The following AKAP13 variants were observed in gnomAD, a reference collection of about 807,000 sequenced individuals.
AKAP13 encodes A-kinase anchor protein 13.
AKAP13 carries 80 observed loss-of-function variants against 264.5 expected under a neutral mutation model. The observed-to-expected ratio is 0.30, with a 90% CI of 0.25 to 0.36. The LOEUF is 0.36. AKAP13 is among the 10% of genes least tolerant of loss of function. The probability of loss-of-function intolerance (pLI) is 1.00; values close to 1 mark genes in which losing one functional copy is unlikely to be tolerated. For synonymous variants in AKAP13, 1,380 were observed against 1,250.2 expected (o/e 1.10, Z -2.19); for missense variants, 3,712 against 3,435.2 (o/e 1.08, Z -2.01).
chr15:85,485,985 A>C (rs2075528967), intron 2 of AKAP13, among the ~76,000 whole-genome samples: 1 of 152,260 alleles, frequency 6.6e-6, no homozygotes, highest in Non-Finnish European at 1.5e-5. Flanking sequence ...GAGTTAATTT[A>C]GTCAGGGTAA....
At chr15:85,520,598 G>A (rs2151152439) in intron 2 of AKAP13, 1 of 505,218 alleles carries the variant, frequency 2.0e-6, no homozygotes, top group African/African-American at 2.0e-5. Context: ...CAAGATTTTT[G>A]TCTGATTTTA....
In AKAP13 at chr15:85,653,390, T is replaced by C. The variant is rs540428769; in HGVS notation, c.4375-2027T>C. Among the ~76,000 whole-genome samples, 3 of 152,340 alleles carry C rather than the reference T, an allele frequency of 2.0e-5. No homozygotes were observed. The South Asian group carries it at 6.2e-4, about 32-fold the overall frequency. ...TCCGTTGGAAAATCTGGACCTCAGTTTGACCTGTCCAGTGATCCCCTTGCA... is the reference window on the plus strand; with the variant it reads ...TCCGTTGGAAAATCTGGACCTCAGTCTGACCTGTCCAGTGATCCCCTTGCA... On this transcript the variant is annotated intron_variant, in intron 10 of 36. Transcript: ENST00000394518.
intron 34 of AKAP13, chr15:85,740,572 A>G: frequency 4.9e-6 from 2 of 405,686 alleles, no homozygotes; most frequent in Non-Finnish European, 8.9e-6. Context: ...GTATGATTAT[A>G]AGTTTCTATA....
chr15:85,556,432 C>T (rs944896815), intron 5 of AKAP13, among the ~76,000 whole-genome samples: 1 of 152,180 alleles, frequency 6.6e-6, no homozygotes, highest in African/African-American at 2.4e-5. Context: ...ACTGGACCAT[C>T]ATTCCATATA....
At chr15:85,641,119 TC>T (rs1169168909) in intron 9 of AKAP13, among the ~76,000 whole-genome samples, 1 of 152,102 alleles carries the variant, frequency 6.6e-6, no homozygotes, top group Admixed American at 6.5e-5. Context: ...TATACACACT[TC>T]CTCAAGAGAG....
chr15:85,565,364 G>A (rs2078569546), intron 5 of AKAP13, among the ~76,000 whole-genome samples: 1 of 152,138 alleles, frequency 6.6e-6, no homozygotes, highest in South Asian at 2.1e-4. Flanking sequence ...GTCAGCTGAG[G>A]CTATGGTGCC....
chr15:85,427,278 A>G (rs917857534), intron 1 of AKAP13, among the ~76,000 whole-genome samples: 1 of 152,008 alleles, frequency 6.6e-6, no homozygotes, highest in Non-Finnish European at 1.5e-5. Context: ...CTGGTTTATA[A>G]GAATTGAAAC....
intron 17 of AKAP13, chr15:85,701,174 G>T (rs1386318931): frequency 6.6e-6 from 1 of 152,156 alleles, no homozygotes; most frequent in African/African-American, 2.4e-5. Context: ...TTTATAAGTG[G>T]AATGGGACTT....
At chr15:85,388,630 T>G (rs1023429175) in intron 1 of AKAP13, among the ~76,000 whole-genome samples, 8 of 152,250 alleles carry the variant, frequency 5.3e-5, no homozygotes, top group African/African-American at 1.9e-4. Context: ...CATATGTTTT[T>G]TCTTCTTTAG....
intron 2 of AKAP13, among the ~76,000 whole-genome samples, chr15:85,498,852 A>C (rs1456818769): frequency 6.6e-6 from 1 of 152,194 alleles, no homozygotes; most frequent in African/African-American, 2.4e-5. Flanking sequence ...TTTACGCCCC[A>C]TCTCAGACCT....
intron 1 of AKAP13, among the ~76,000 whole-genome samples, chr15:85,461,928 A>C (rs1024371481): frequency 2.0e-5 from 3 of 152,348 alleles, no homozygotes; most frequent in South Asian, 2.1e-4. Flanking sequence ...TTATTAAATG[A>C]AATAAAATTA....
intron 1 of AKAP13, among the ~76,000 whole-genome samples, chr15:85,386,574 C>T (rs1388299686): frequency 2.0e-5 from 3 of 152,182 alleles, no homozygotes; most frequent in Non-Finnish European, 2.9e-5. Flanking sequence ...CAGGCGTGAG[C>T]TATTGTGCCC....
chr15:85,559,654 CGCAG>C (rs2078287713), intron 5 of AKAP13, among the ~76,000 whole-genome samples: 1 of 152,032 alleles, frequency 6.6e-6, no homozygotes, highest in African/African-American at 2.4e-5. Flanking sequence ...CCCTCACATA[CGCAG>C]TTCACGATAG....
At chr15:85,454,894 T>C (rs909396453) in intron 1 of AKAP13, among the ~76,000 whole-genome samples, 24 of 152,230 alleles carry the variant, frequency 1.6e-4, no homozygotes, top group Admixed American at 1.6e-3. Flanking sequence ...TTGATCCAGA[T>C]TATCTCCTTT....
rs767941171 is a variant in AKAP13 at position 85,736,157 on chromosome 15, A to C, written c.7557+23A>C. The C allele has an allele frequency of 3.2e-6, 5 of 1,564,380 alleles. No individual in the cohort carries two copies. In the East Asian group the frequency reaches 1.1e-4, roughly 35 times the overall value. On this transcript the variant is annotated intron_variant, in intron 33 of 36. Transcript: ENST00000394518. ...GAGGTAAGGACATTATGAACTATTT[A>C]AGAAAATATGTGTTTGTTGTCATTG... is the stretch of plus-strand genomic sequence containing the variant.
chr15:85,575,687 G>A (rs796518338), intron 6 of AKAP13, among the ~76,000 whole-genome samples: 9 of 151,460 alleles, frequency 5.9e-5, no homozygotes, highest in African/African-American at 1.5e-4. Context: ...GCGAGACTCC[G>A]TCTCAAAAAA....
intron 2 of AKAP13, among the ~76,000 whole-genome samples, chr15:85,518,104 A>T (rs2076675005): frequency 1.3e-5 from 2 of 152,188 alleles, no homozygotes; most frequent in African/African-American, 4.8e-5. Flanking sequence ...GTGTCTATTT[A>T]TTCTTGTAGG....
intron 1 of AKAP13, among the ~76,000 whole-genome samples, chr15:85,454,688 A>G (rs2074223504): frequency 6.6e-6 from 1 of 152,130 alleles, no homozygotes; most frequent in African/African-American, 2.4e-5. Context: ...CATGCTATAT[A>G]ACTTACCCAT....
intron 2 of AKAP13, among the ~76,000 whole-genome samples, chr15:85,488,828 G>A (rs1256446362): frequency 6.6e-6 from 1 of 152,232 alleles, no homozygotes; most frequent in African/African-American, 2.4e-5. Context: ...ACAAGTGAAA[G>A]TCATTTTGGA....
Sources: gnomAD v4.1 joint callset for allele counts (sites outside exome capture counted in the v4.1 genomes callset) on GRCh38, gnomAD v4.1.1 for gene constraint, MANE v1.5 for transcripts, NCBI Gene and HGNC (gene_info 2026-07-23, HGNC 2026-07-21) for gene names.